HEATR4: variants seen among roughly 807,000 people sequenced by gnomAD.
HEATR4 encodes HEAT repeat-containing protein 4.
In HEATR4, 95 loss-of-function variants were observed where a neutral mutation model predicts 108.8. The observed-to-expected ratio is 0.87, with a 90% CI of 0.74 to 1.04. The LOEUF (loss-of-function observed/expected upper bound fraction) is 1.04. Among genes scored for constraint, HEATR4 ranks in the 50% least tolerant of loss-of-function variants. HEATR4 has a pLI of 0.00. For missense variants in HEATR4, 1,152 were observed against 1,253.8 expected, an observed-to-expected ratio of 0.92 and a Z score of 1.23; for synonymous variants, 443 against 459.4, an observed-to-expected ratio of 0.96 and a Z score of 0.46.
the HEATR4 span, chr14:73,569,326 G>C: frequency 1.9e-6 from 3 of 1,613,942 alleles, no homozygotes; most frequent in Non-Finnish European, 2.5e-6. Context: ...GCTGTCCTTC[G>C]AGCGTCCCGG....
At position 73,509,371 on chromosome 14, in the gene HEATR4, T is replaced by C. The variant is rs756784707; in HGVS notation, c.1661A>G (p.Tyr554Cys). Residue 554 changes from tyrosine to cysteine, a missense_variant, in exon 8 of 18, where the codon TAT (tyrosine) becomes TGT (cysteine). Physicochemically the swap from Tyr to Cys is radical, Grantham distance 194 (BLOSUM62 -2). Coordinates refer to ENST00000553558, the MANE Select transcript of HEATR4 (RefSeq NM_001220484.1). ...HVRMAAAICQ[Y>C]AIQSHNPLAR... ...AAGGGGATTATGTGACTGTATGGCA[T>C]ATTGGCATATTGCTGCTGCCATCCG... 2 of 1,614,086 alleles carry C rather than the reference T, an allele frequency of 1.2e-6. No homozygotes were observed. Among genetic ancestry groups the C allele is most frequent in the South Asian group, 2.2e-5 (2 of 91,074 alleles).
At chr14:73,485,559 T>A (rs1370743139) in intron 17 of HEATR4, among the ~76,000 whole-genome samples, 1 of 151,614 alleles carries the variant, frequency 6.6e-6, no homozygotes, top group Non-Finnish European at 1.5e-5. Context: ...TACATCACCA[T>A]GCCTGGCTAA....
At chr14:73,566,547 C>T in the HEATR4 span, among the ~76,000 whole-genome samples, 2 of 152,186 alleles carry the variant, frequency 1.3e-5, no homozygotes, top group Non-Finnish European at 2.9e-5. Flanking sequence ...GCTGGGGGAC[C>T]CAGCACACCC....
chr14:73,489,763 G>C (rs753904241), intron 17 of HEATR4, among the ~76,000 whole-genome samples: 1 of 152,218 alleles, frequency 6.6e-6, no homozygotes, highest in African/African-American at 2.4e-5. Context: ...AAATCCCAGA[G>C]GGGCAGGAAG....
At chr14:73,620,492 C>A in the HEATR4 span, among the ~76,000 whole-genome samples, 4 of 152,168 alleles carry the variant, frequency 2.6e-5, no homozygotes, top group Non-Finnish European at 5.9e-5. Flanking sequence ...AGTCTCATAT[C>A]CCCTTTGGCC....
chr14:73,617,110 T>A, the HEATR4 span: 4 of 1,604,264 alleles, frequency 2.5e-6, no homozygotes, highest in Admixed American at 6.7e-5. Flanking sequence ...TATTTCAGAT[T>A]TGAAGACCTC....
intron 1 of HEATR4, among the ~76,000 whole-genome samples, chr14:73,536,472 G>A (rs1160429733): frequency 1.1e-5 from 1 of 92,948 alleles, no homozygotes; most frequent in Non-Finnish European, 2.2e-5. Context: ...ATGGTAAACC[G>A]CCGCTGTACT....
At chr14:73,581,272 G>A in the HEATR4 span, 1 of 151,918 alleles carries the variant, frequency 6.6e-6, no homozygotes, top group African/African-American at 2.4e-5. Flanking sequence ...CCAAGATCAA[G>A]GCACCCACAG....
the HEATR4 span, among the ~76,000 whole-genome samples, chr14:73,618,579 C>T: frequency 4.0e-4 from 59 of 146,162 alleles, 3 homozygotes; most frequent in African/African-American, 1.6e-3. Context: ...AAATTTGAGC[C>T]TGAACTTATG....
In HEATR4 at chr14:73,522,885, G is replaced by A. The variant is rs1422095865; in HGVS notation, c.268C>T (p.Gln90Ter). The change falls in exon 3 of 18, where the codon CAG becomes TAG. Residue 90 changes from glutamine (Q) to a stop codon, truncating the protein, a stop_gained. Coordinates refer to ENST00000553558, the MANE Select transcript of HEATR4 (RefSeq NM_001220484.1). LOFTEE classifies it high-confidence loss of function. Reference sequence around the variant, plus strand: ...TTGTAGAGGTGGTCAAAGCTGTACTGGCTATAAGGAATGCTGGGCAGGCCT... The same window carrying A: ...TTGTAGAGGTGGTCAAAGCTGTACTAGCTATAAGGAATGCTGGGCAGGCCT... ...QRGLPSIPYS[Q>*]YSFDHLYNTN... 1 of 1,614,174 alleles carries A rather than the reference G, an allele frequency of 6.2e-7. No homozygotes were observed.
chr14:73,563,488 G>A (rs372645358), upstream of HEATR4, among the ~76,000 whole-genome samples: 65 of 152,000 alleles, frequency 4.3e-4, 1 homozygote, highest in Admixed American at 2.4e-3. Flanking sequence ...CCAGCTACTC[G>A]GGAGGCTGAG....
intron 16 of HEATR4, among the ~76,000 whole-genome samples, chr14:73,494,696 G>A (rs1318513517): frequency 6.6e-6 from 1 of 152,078 alleles, no homozygotes; most frequent in African/African-American, 2.4e-5. Context: ...GACTACCAGT[G>A]TGTGCCACCA....
the HEATR4 span, chr14:73,617,219 A>G: frequency 6.2e-7 from 1 of 1,614,186 alleles, no homozygotes; most frequent in Non-Finnish European, 8.5e-7. Flanking sequence ...ACCTGAGTGC[A>G]GAAGAGAGGG....
At chr14:73,519,313 G>A in intron 4 of HEATR4, 150 bp from the exon 5 acceptor site, 1 of 633,204 alleles carries the variant, frequency 1.6e-6, no homozygotes, top group East Asian at 2.7e-5. Context: ...GGCATCCCTT[G>A]AAGGTGACCA....
the HEATR4 span, chr14:73,613,132 C>A: frequency 4.0e-6 from 2 of 495,300 alleles, no homozygotes; most frequent in African/African-American, 4.1e-5. Context: ...CTTGTTCCTT[C>A]GCTCCAGAGT....
the HEATR4 span, among the ~76,000 whole-genome samples, chr14:73,632,862 A>AAG: frequency 6.7e-6 from 1 of 149,722 alleles, no homozygotes; most frequent in Non-Finnish European, 1.5e-5. Flanking sequence ...AAAAAAAAGA[A>AAG]GAAGAAGAAA....
the HEATR4 span, among the ~76,000 whole-genome samples, chr14:73,607,610 GTTTTC>G: frequency 1.3e-5 from 2 of 151,974 alleles, no homozygotes; most frequent in South Asian, 2.1e-4. Context: ...AGAAAATAGG[GTTTTC>G]TTTTCTTTTC....
chr14:73,621,878 C>T, the HEATR4 span, among the ~76,000 whole-genome samples: 411 of 150,980 alleles, frequency 2.7e-3, no homozygotes, highest in African/African-American at 9.6e-3. Flanking sequence ...ATCTTCTCAC[C>T]TCAACTTCCC....
chr14:73,563,569 T>TG (rs1173450014), upstream of HEATR4, among the ~76,000 whole-genome samples: 2 of 152,022 alleles, frequency 1.3e-5, no homozygotes, highest in East Asian at 1.9e-4. Flanking sequence ...CACTCCAGCC[T>TG]GGGGGATAGA....
Sources: gnomAD v4.1 joint callset for allele counts (sites outside exome capture counted in the v4.1 genomes callset) on GRCh38, gnomAD v4.1.1 for gene constraint, MANE v1.5 for transcripts, NCBI Gene and HGNC (gene_info 2026-07-23, HGNC 2026-07-21) for gene names.